Variants in RBFOX1 observed in about 807,000 individuals in gnomAD.
RBFOX1 encodes the protein RNA binding protein fox-1 homolog 1.
Under a neutral mutation model 57.7 loss-of-function variants are expected in RBFOX1, and 8 were observed. The ratio of observed to expected loss-of-function variants is 0.14; its 90% CI spans 0.08 to 0.25. The LOEUF (loss-of-function observed/expected upper bound fraction) is 0.25, where lower values mean the gene tolerates loss of function less well. Among genes scored for constraint, RBFOX1 ranks in the 10% least tolerant of loss-of-function variants. The probability of loss-of-function intolerance (pLI) is 1.00; values close to 1 mark genes in which losing one functional copy is unlikely to be tolerated. For missense variants in RBFOX1, 611 were observed against 548.5 expected, an observed-to-expected ratio of 1.11 and a Z score of -1.14; for synonymous variants, 326 against 222.4, an observed-to-expected ratio of 1.47 and a Z score of -4.15.
At chr16:5,845,895 T>C (rs2056744060) in intron 3 of RBFOX1, among the ~76,000 whole-genome samples, 1 of 152,094 alleles carries the variant, frequency 6.6e-6, no homozygotes, top group Non-Finnish European at 1.5e-5. Flanking sequence ...GAAAATGGCC[T>C]GGCGTGGTGG....
At chr16:7,541,290 A>C (rs1034090423) in intron 5 of RBFOX1, among the ~76,000 whole-genome samples, 1 of 152,172 alleles carries the variant, frequency 6.6e-6, no homozygotes, top group Admixed American at 6.5e-5. Flanking sequence ...TCTAAAAGTG[A>C]GTGTCTACCC....
chr16:6,254,741 T>G (rs903218608), intron 1 of RBFOX1, among the ~76,000 whole-genome samples: 1 of 152,146 alleles, frequency 6.6e-6, no homozygotes, highest in African/African-American at 2.4e-5. Flanking sequence ...CTTTTAAAAT[T>G]AACATAAATT....
At chr16:7,017,308 T>G (rs561348434) in intron 3 of RBFOX1, among the ~76,000 whole-genome samples, 1 of 152,142 alleles carries the variant, frequency 6.6e-6, no homozygotes, top group Non-Finnish European at 1.5e-5. Flanking sequence ...AAATTTATAG[T>G]GTACTATAGA....
chr16:6,734,499 G>A (rs2069559380), intron 3 of RBFOX1, among the ~76,000 whole-genome samples: 1 of 152,172 alleles, frequency 6.6e-6, no homozygotes, highest in Non-Finnish European at 1.5e-5. Context: ...CATGGGTCCA[G>A]GAAGTTAAAC....
At chr16:5,532,338 G>C (rs911886079) in intron 2 of RBFOX1, among the ~76,000 whole-genome samples, 8 of 152,168 alleles carry the variant, frequency 5.3e-5, no homozygotes, top group African/African-American at 1.9e-4. Context: ...CATTGTTCTA[G>C]ATAATAAGCT....
chr16:6,518,776 T>C (rs1002085262), intron 2 of RBFOX1, among the ~76,000 whole-genome samples: 6 of 74,332 alleles, frequency 8.1e-5, no homozygotes, highest in Non-Finnish European at 1.2e-4. Context: ...TCTATCCATC[T>C]GTCTGTCTGT....
chr16:7,085,348 G>C (rs1361010462), intron 4 of RBFOX1, among the ~76,000 whole-genome samples: 1 of 151,740 alleles, frequency 6.6e-6, no homozygotes, highest in Non-Finnish European at 1.5e-5. Flanking sequence ...TGCTGGATCA[G>C]CCAGTACTTC....
chr16:6,883,031 C>A (rs1239558594), intron 3 of RBFOX1, among the ~76,000 whole-genome samples: 1 of 152,168 alleles, frequency 6.6e-6, no homozygotes, highest in Non-Finnish European at 1.5e-5. Context: ...TTCTAGATAA[C>A]CCATATGTCT....
At chr16:6,594,261 A>G (rs2097755208) in intron 2 of RBFOX1, among the ~76,000 whole-genome samples, 1 of 152,216 alleles carries the variant, frequency 6.6e-6, no homozygotes, top group Admixed American at 6.5e-5. Flanking sequence ...AGGAAACACG[A>G]AGTTCAGATT....
intron 3 of RBFOX1, among the ~76,000 whole-genome samples, chr16:6,900,348 C>A (rs913185782): frequency 2.6e-5 from 4 of 152,210 alleles, no homozygotes; most frequent in Non-Finnish European, 5.9e-5. Flanking sequence ...ACCACAAAAT[C>A]CTTTAGGGAT....
intron 3 of RBFOX1, among the ~76,000 whole-genome samples, chr16:5,783,624 A>T (rs1393227898): frequency 6.6e-6 from 1 of 152,106 alleles, no homozygotes; most frequent in Non-Finnish European, 1.5e-5. Flanking sequence ...TTTACACACC[A>T]TTTCCCCTGC....
intron 3 of RBFOX1, among the ~76,000 whole-genome samples, chr16:6,790,718 C>A (rs944020410): frequency 6.6e-6 from 1 of 152,112 alleles, no homozygotes; most frequent in Non-Finnish European, 1.5e-5. Context: ...CTCTCCATCC[C>A]TCCTCTTCTT....
intron 1 of RBFOX1, among the ~76,000 whole-genome samples, chr16:6,177,187 T>G (rs1188570611): frequency 8.5e-6 from 1 of 117,002 alleles, no homozygotes; most frequent in Non-Finnish European, 1.8e-5. Flanking sequence ...TTCTTGTTTG[T>G]TTTTTTTTTT....
chr16:7,512,624 T>C (rs909197046), intron 4 of RBFOX1, among the ~76,000 whole-genome samples: 1 of 152,186 alleles, frequency 6.6e-6, no homozygotes, highest in Admixed American at 6.5e-5. Flanking sequence ...TTGGCTACCA[T>C]GGACTCAGTC....
Position 5,551,401 on chromosome 16 carries a change from C to G in RBFOX1, c.259-47501C>G, listed in dbSNP as rs1189431914. Among the ~76,000 whole-genome samples the G allele has an allele frequency of 2.6e-5, 4 of 152,198 alleles. No homozygotes were observed. In the East Asian group the frequency reaches 7.7e-4, roughly 29 times the overall value. ...GTTGGACGGGACACAGCCAGAGCTG[C>G]TAGTATATGCACAGGGCGATTCCAA... On this transcript the variant is annotated intron_variant, in intron 2 of 2. Coordinates refer to the RBFOX1 transcript ENST00000585867.
At chr16:6,125,349 G>A (rs143893897) in intron 1 of RBFOX1, among the ~76,000 whole-genome samples, 1 of 152,300 alleles carries the variant, frequency 6.6e-6, no homozygotes, top group East Asian at 1.9e-4. Flanking sequence ...TTTCTCCCCT[G>A]TTGAGATAGG....
At chr16:7,248,019 A>G (rs2094372059) in intron 4 of RBFOX1, among the ~76,000 whole-genome samples, 1 of 152,216 alleles carries the variant, frequency 6.6e-6, no homozygotes, top group Non-Finnish European at 1.5e-5. Context: ...ACAAACCTGC[A>G]CATGTACCTC....
At chr16:7,320,349 T>TTC (rs1007553541) in intron 4 of RBFOX1, among the ~76,000 whole-genome samples, 9 of 152,150 alleles carry the variant, frequency 5.9e-5, no homozygotes, top group Non-Finnish European at 1.3e-4. Flanking sequence ...TGTTCTTGTG[T>TTC]TAGTTTACTC....
intron 4 of RBFOX1, among the ~76,000 whole-genome samples, chr16:7,107,351 G>A (rs1267997171): frequency 1.3e-5 from 2 of 152,036 alleles, no homozygotes; most frequent in East Asian, 1.9e-4. Context: ...GCATATTCTG[G>A]GGTATTATTA....
Sources: allele counts gnomAD v4.1 joint callset (sites outside exome capture counted in the v4.1 genomes callset), GRCh38; gene constraint gnomAD v4.1.1; transcripts MANE v1.5; gene names NCBI Gene and HGNC (gene_info 2026-07-23, HGNC 2026-07-21).